The following NBPF26 variants were observed in gnomAD, a reference collection of about 807,000 sequenced individuals.
The protein encoded by NBPF26 is NBPF family member NBPF26.
In NBPF26, 79 loss-of-function variants were observed where a neutral mutation model predicts 119.6. The observed-to-expected ratio is 0.66, with a 90% CI of 0.55 to 0.80. The LOEUF is 0.80. Among genes scored for constraint, NBPF26 ranks in the 30% least tolerant of loss-of-function variants. The pLI is 0.00. For missense variants in NBPF26, 800 were observed against 1,198.2 expected (o/e 0.67, Z 4.91); for synonymous variants, 299 against 457.7 (o/e 0.65, Z 4.43).
intron 12 of NBPF26, among the ~76,000 whole-genome samples, chr1:120,815,397 T>A (rs1571040490): frequency 8.8e-6 from 1 of 113,784 alleles, no homozygotes; most frequent in Non-Finnish European, 1.7e-5. Context: ...TCGACAATGT[T>A]CTTAGTAACT....
chr1:120,814,877 A>C, exon 12 of NBPF26: 1 of 1,249,544 alleles, frequency 8.0e-7, no homozygotes, highest in South Asian at 1.2e-5. Context: ...TGACCCAGTT[A>C]AGGGAGAAGT....
At chr1:120,778,901 T>C (rs1205565320) in intron 2 of NBPF26, among the ~76,000 whole-genome samples, 2 of 102,620 alleles carry the variant, frequency 1.9e-5, no homozygotes. Context: ...TCCTGAACTG[T>C]AGCCATTGCC....
chr1:120,745,133 A>C lies in NBPF26; in HGVS notation c.74-18495A>C, dbSNP rs1258658227. ...AGATCCTGTCTCCAAAAAAAAAAAA[A>C]CAAAAAAAAAACAAAAAAAAGTGGT... On this transcript the variant is annotated intron_variant, in intron 1 of 29. Transcript: ENST00000620612. Among the ~76,000 whole-genome samples the C allele has an allele frequency of 5.7e-4, 53 of 93,298 alleles. 11 individuals are homozygous for C. The highest frequency in any genetic ancestry group is 3.2e-3 in the African/African-American group (45 of 13,898). The allele number at this position is 93,298 out of a possible 152,430, so 61.2% of individuals were successfully genotyped here.
Position 120,764,571 on chromosome 1 carries a change from G to A in NBPF26, c.155+862G>A, listed in dbSNP as rs1318808516. ...AGAGTAAGGATGAAGGAAAATGTAG[G>A]CTAGTTCTTGGCTTAAGAGCATTTT... On this transcript the variant is annotated intron_variant, in intron 2 of 29. Coordinates refer to ENST00000620612, the Ensembl canonical transcript of NBPF26. Among the ~76,000 whole-genome samples the A allele has an allele frequency of 4.6e-5, 5 of 107,790 alleles. No homozygotes were observed. In the East Asian group the frequency reaches 1.1e-3, roughly 24 times the overall value. The allele number at this position is 107,790 out of a possible 152,430, so 70.7% of individuals were successfully genotyped here.
chr1:120,840,071 T>G, intron 29 of NBPF26, among the ~76,000 whole-genome samples: 1 of 64,842 alleles, frequency 1.5e-5, no homozygotes, highest in South Asian at 4.4e-4. Flanking sequence ...TAACTCAGAG[T>G]GTCCTTTGAC....
chr1:120,823,796 C>A (rs1652190210), intron 17 of NBPF26, among the ~76,000 whole-genome samples, 178 bp from the exon 18 acceptor site: 1 of 81,140 alleles, frequency 1.2e-5, no homozygotes, highest in African/African-American at 8.1e-5. Context: ...GTGTGTCTTT[C>A]ATCTTTTTCT....
rs1650966398 is a variant in NBPF26 at position 120,745,135 on chromosome 1, A to C, written c.74-18493A>C. ...ATCCTGTCTCCAAAAAAAAAAAAAC[A>C]AAAAAAAAACAAAAAAAAGTGGTAT... On this transcript the variant is annotated intron_variant, in intron 1 of 29. Coordinates refer to ENST00000620612, the Ensembl canonical transcript of NBPF26. Among the ~76,000 whole-genome samples the C allele has an allele frequency of 3.5e-5, 3 of 86,464 alleles. 1 individual carries two copies. In the East Asian group the frequency reaches 8.4e-4, roughly 24 times the overall value. 56.7% of individuals were successfully genotyped at this position (86,464 alleles called of 152,430 possible).
intron 9 of NBPF26, among the ~76,000 whole-genome samples, chr1:120,811,448 G>C (rs1443964108): frequency 1.8e-5 from 2 of 112,198 alleles, no homozygotes; most frequent in Non-Finnish European, 3.5e-5. Context: ...GGCAGGCTGA[G>C]GGATGAGAAT....
In NBPF26 at chr1:120,810,984, T is replaced by C. The variant is rs1651847220; in HGVS notation, c.1564+426T>C. Among the ~76,000 whole-genome samples the C allele has an allele frequency of 3.8e-5, 4 of 106,258 alleles. 1 individual carries two copies. The South Asian group carries it at 1.1e-3, about 29-fold the overall frequency. The allele number at this position is 106,258 out of a possible 152,430, so 69.7% of individuals were successfully genotyped here. On this transcript the variant is annotated intron_variant, in intron 9 of 29. Transcript: ENST00000620612. ...GGCTGGGCGCAGTGGGTCACACCTGTAATCCGAGCACTTTGGGAGGCCGAG... is the reference window on the plus strand; with the variant it reads ...GGCTGGGCGCAGTGGGTCACACCTGCAATCCGAGCACTTTGGGAGGCCGAG...
chr1:120,805,611 T>C, exon 5 of NBPF26: 2 of 1,462,624 alleles, frequency 1.4e-6, no homozygotes, highest in Non-Finnish European at 1.8e-6. Flanking sequence ...CAGCCGGCCA[T>C]TGGTCCAGTG....
exon 30 of NBPF26, chr1:120,840,618 G>A: frequency 6.9e-7 from 1 of 1,456,148 alleles, no homozygotes; most frequent in Non-Finnish European, 9.2e-7. Flanking sequence ...GCCGAGAGGT[G>A]TCATTCCTGC....
rs1553272434 is a variant in NBPF26 at position 120,824,046 on chromosome 1, T to C, written c.2712T>C (p.Thr904=). Residue 904 remains threonine, a synonymous_variant, in exon 18 of 30, where the codon ACT becomes ACC. Transcript: ENST00000620612. ...ACTCACTGGATAGATGTTATTCAAC[T>C]CCTTCAGGTTGTCTTGAACTGACTG... 12 of 511,792 alleles carry C rather than the reference T, an allele frequency of 2.3e-5. 1 individual carries two copies. The highest frequency in any genetic ancestry group is 4.0e-5 in the Non-Finnish European group (12 of 301,242). 31.7% of individuals were successfully genotyped at this position (511,792 alleles called of 1,614,324 possible).
intron 15 of NBPF26, 89 bp from the exon 16 acceptor site, chr1:120,822,015 C>T (rs1215417860): frequency 2.2e-6 from 3 of 1,362,586 alleles, no homozygotes; most frequent in Non-Finnish European, 3.0e-6. Context: ...CCACTCCATT[C>T]TGTCTCCCAT....
chr1:120,756,142 C>G lies in NBPF26; in HGVS notation c.74-7486C>G, dbSNP rs1239622869. The stretch of plus-strand genomic sequence containing the variant: ...AAGTTTTGTTTGAAATTGCAGGGCG[C>G]TATGAGAATTATTGCAAATCCCTGA... On this transcript the variant is annotated intron_variant, in intron 1 of 29. Coordinates refer to ENST00000620612, the Ensembl canonical transcript of NBPF26. Among the ~76,000 whole-genome samples the G allele has an allele frequency of 2.6e-5, 3 of 113,330 alleles. 1 individual carries two copies. Among genetic ancestry groups the G allele is most frequent in the African/African-American group, 1.1e-4 (2 of 19,034 alleles). The allele number at this position is 113,330 out of a possible 152,430, so 74.3% of individuals were successfully genotyped here.
chr1:120,787,355 CG>C (rs1651433218), intron 3 of NBPF26, among the ~76,000 whole-genome samples: 1 of 58,198 alleles, frequency 1.7e-5, no homozygotes, highest in Non-Finnish European at 2.9e-5. Context: ...ACATCCAGCA[CG>C]GGAAAAAGAT....
At position 120,727,406 on chromosome 1, in the gene NBPF26, A is replaced by G; in HGVS notation, c.73+3156A>G. Among the ~76,000 whole-genome samples the G allele has an allele frequency of 1.7e-5, 2 of 116,790 alleles. 1 individual carries two copies. Among genetic ancestry groups the G allele is most frequent in the Non-Finnish European group, 3.3e-5 (2 of 61,078 alleles). The allele number at this position is 116,790 out of a possible 152,430, so 76.6% of individuals were successfully genotyped here. On this transcript the variant is annotated intron_variant, in intron 1 of 29. Coordinates refer to ENST00000620612, the Ensembl canonical transcript of NBPF26. ...TTAACGCTTCTGACTCAAGAATTTT[A>G]AAATTGCTAACATAAGAGATATAGA...
intron 3 of NBPF26, among the ~76,000 whole-genome samples, chr1:120,790,805 G>A (rs1651484797): frequency 9.6e-6 from 1 of 104,388 alleles, no homozygotes; most frequent in Non-Finnish European, 1.8e-5. Context: ...TCACCATGTT[G>A]GCCAGGCTGG....
Position 120,818,691 on chromosome 1 carries a change from C to A in NBPF26, c.2423+517C>A, listed in dbSNP as rs1652064937. 1.6e-5 allele frequency among the ~76,000 whole-genome samples: 2 copies of A among 124,468 alleles called. 1 individual carries two copies. The highest frequency in any genetic ancestry group is 1.6e-4 in the Admixed American group (2 of 12,844). 81.7% of individuals were successfully genotyped at this position (124,468 alleles called of 152,430 possible). ...GATTCTGGTATGTTGTATCTTTGTT[C>A]TCATTGGTTTCAAAGAACATCTTTA... On this transcript the variant is annotated intron_variant, in intron 15 of 29. Coordinates refer to ENST00000620612, the Ensembl canonical transcript of NBPF26.
At chr1:120,761,067 C>A (rs1446167311) in intron 1 of NBPF26, among the ~76,000 whole-genome samples, 6 of 124,920 alleles carry the variant, frequency 4.8e-5, no homozygotes, top group Non-Finnish European at 9.9e-5. Flanking sequence ...TAATTATTAG[C>A]CTGGTAAGCC....
Sources: gnomAD v4.1 joint callset for allele counts (sites outside exome capture counted in the v4.1 genomes callset) on GRCh38, gnomAD v4.1.1 for gene constraint, MANE v1.5 for transcripts, NCBI Gene and HGNC (gene_info 2026-07-23, HGNC 2026-07-21) for gene names.